The following FRMD4B variants were observed in gnomAD, a reference collection of about 807,000 sequenced individuals.
The protein encoded by FRMD4B is FERM domain-containing protein 4B.
In FRMD4B, 74 loss-of-function variants were observed where a neutral mutation model predicts 141.5. The ratio of observed to expected loss-of-function variants is 0.52; its 90% CI spans 0.43 to 0.63. The LOEUF is 0.63. Ranked by LOEUF, FRMD4B falls within the 30% of genes least tolerant of loss-of-function variation. The probability of loss-of-function intolerance (pLI) is 0.00; values close to 1 mark genes in which losing one functional copy is unlikely to be tolerated. For missense variants in FRMD4B, 1,366 were observed against 1,253.4 expected (o/e 1.09, Z -1.36); for synonymous variants, 506 against 467.9 (o/e 1.08, Z -1.05).
Position 69,224,656 on chromosome 3 carries a change from G to T in FRMD4B, c.616C>A (p.Pro206Thr). The T allele has an allele frequency of 6.3e-7, 1 of 1,582,626 alleles. No individual in the cohort carries two copies. The highest frequency in any genetic ancestry group is 8.6e-7 in the Non-Finnish European group (1 of 1,157,974). ...ENARKDLKTL[P>T]AFPTKTLQEH... ...TGAAGAGTTTTGGTTGGAAAGGCTG[G>T]TAATGTCTTTAAATCTTTCCTGGCA... is the stretch of plus-strand genomic sequence containing the variant. The change falls in exon 8 of 23, where the codon CCA becomes ACA. Residue 206 changes from proline to threonine, a missense_variant. Pro to Thr is a conservative substitution (Grantham distance 38). Coordinates refer to ENST00000398540, the MANE Select transcript of FRMD4B (RefSeq NM_015123.3).
At chr3:69,342,047 T>C (rs983749690) in intron 1 of FRMD4B, among the ~76,000 whole-genome samples, 5 of 152,236 alleles carry the variant, frequency 3.3e-5, no homozygotes, top group African/African-American at 9.6e-5. Flanking sequence ...TCTTAAGCTG[T>C]GACCTCTCAC....
In FRMD4B at chr3:69,498,492, T is replaced by C. The variant is rs76832727; in HGVS notation, c.-129+43714A>G. 2.2e-4 allele frequency among the ~76,000 whole-genome samples: 33 copies of C among 152,220 alleles called. No individual in the cohort carries two copies. The East Asian group carries it at 6.2e-3, about 28-fold the overall frequency. ...ATCTCAAAGGATAAGAATATGAGAA[T>C]AGTTGTGCAAATATAGCATGCTCTT... On this transcript the variant is annotated intron_variant, in intron 1 of 5. Coordinates refer to the FRMD4B transcript ENST00000459638.
intron 5 of FRMD4B, among the ~76,000 whole-genome samples, chr3:69,260,253 G>C (rs932490001): frequency 3.3e-5 from 5 of 152,180 alleles, no homozygotes; most frequent in Admixed American, 6.5e-5. Context: ...CTCTGCTTGC[G>C]GGGAGGTGTG....
At chr3:69,423,441 T>C (rs1168271799) in intron 2 of FRMD4B, among the ~76,000 whole-genome samples, 1 of 152,206 alleles carries the variant, frequency 6.6e-6, no homozygotes, top group Admixed American at 6.5e-5. Flanking sequence ...TTTCAGTTCA[T>C]GTTAGGTACA....
At chr3:69,343,482 T>A (rs1169249170) in intron 1 of FRMD4B, among the ~76,000 whole-genome samples, 2 of 152,254 alleles carry the variant, frequency 1.3e-5, no homozygotes, top group South Asian at 4.1e-4. Context: ...ATTCAATTCC[T>A]ACCTGGATAT....
intron 1 of FRMD4B, among the ~76,000 whole-genome samples, chr3:69,379,292 T>A (rs912596604): frequency 5.3e-5 from 8 of 152,258 alleles, no homozygotes; most frequent in Admixed American, 1.3e-4. Flanking sequence ...ATATATATAT[T>A]TTTTGAGACA....
At chr3:69,227,136 A>G (rs1291232100) in intron 7 of FRMD4B, among the ~76,000 whole-genome samples, 1 of 152,226 alleles carries the variant, frequency 6.6e-6, no homozygotes, top group Non-Finnish European at 1.5e-5. Flanking sequence ...AATTTGAACT[A>G]TACACAATCA....
rs537414937 is a variant in FRMD4B at position 69,528,260 on chromosome 3, T to TCCTTCCTTCCTA, written c.-129+13934_-129+13945dup. Among the ~76,000 whole-genome samples, 427 of 146,366 alleles carry TCCTTCCTTCCTA rather than the reference T, an allele frequency of 2.9e-3. 2 individuals are homozygous for TCCTTCCTTCCTA. The highest frequency in any genetic ancestry group is 9.8e-3 in the African/African-American group (395 of 40,186). On this transcript the variant is annotated intron_variant, in intron 1 of 5. Coordinates refer to the FRMD4B transcript ENST00000459638. ...TCCCTCCCTGCCTCCCTCCCTCCCT[T>TCCTTCCTTCCTA]CCTTCCTTCCTACCTTCCTTCCTTC...
chr3:69,211,694 G>C (rs1184855463), intron 11 of FRMD4B, among the ~76,000 whole-genome samples: 1 of 152,184 alleles, frequency 6.6e-6, no homozygotes, highest in East Asian at 1.9e-4. Context: ...GGCTCAAGAG[G>C]CTGAGCACCT....
chr3:69,329,439 T>A (rs1383784050), intron 1 of FRMD4B, among the ~76,000 whole-genome samples: 2 of 148,888 alleles, frequency 1.3e-5, no homozygotes, highest in East Asian at 4.0e-4. Context: ...AACTTCTCCC[T>A]CCCGGGTTCA....
intron 2 of FRMD4B, among the ~76,000 whole-genome samples, chr3:69,418,253 G>A (rs894885463): frequency 6.6e-6 from 1 of 152,116 alleles, no homozygotes; most frequent in African/African-American, 2.4e-5. Context: ...TATACACGGT[G>A]TACATAGAAC....
rs1343675742 is a variant in FRMD4B, at chr3:69,168,915, C to T, written c.*2946G>A. ...GTAGGGTGAGGCAATTTTAAAAATCCACCTTGTTAAACATATATCTTTATG... is the reference window on the plus strand; with the variant it reads ...GTAGGGTGAGGCAATTTTAAAAATCTACCTTGTTAAACATATATCTTTATG... On this transcript the variant is annotated 3_prime_UTR_variant, in exon 23 of 23. Coordinates refer to ENST00000398540, the MANE Select transcript of FRMD4B (RefSeq NM_015123.3). 6.6e-6 allele frequency among the ~76,000 whole-genome samples: 1 copy of T among 151,752 alleles called. No individual in the cohort carries two copies.
rs144195815 is a variant in FRMD4B at position 69,264,571 on chromosome 3, C to T, written c.502-14472G>A. On this transcript the variant is annotated intron_variant, in intron 5 of 22. Transcript: ENST00000398540. Reference sequence around the variant, plus strand: ...CTTCACCATCTATAAGAACTGTAAGCATACCTAGACAGCAATTCTAGATAA... The same window carrying T: ...CTTCACCATCTATAAGAACTGTAAGTATACCTAGACAGCAATTCTAGATAA... Among the ~76,000 whole-genome samples the T allele has an allele frequency of 3.9e-5, 6 of 152,262 alleles. No individual in the cohort carries two copies. The East Asian group carries it at 1.2e-3, about 29-fold the overall frequency.
intron 5 of FRMD4B, among the ~76,000 whole-genome samples, chr3:69,250,938 A>C (rs1026210981): frequency 4.6e-5 from 7 of 152,122 alleles, no homozygotes; most frequent in African/African-American, 1.7e-4. Flanking sequence ...AAAAGAAAAA[A>C]GCTTTTTCAG....
intron 7 of FRMD4B, among the ~76,000 whole-genome samples, chr3:69,229,118 A>G (rs1171863977): frequency 6.9e-6 from 1 of 145,932 alleles, no homozygotes; most frequent in African/African-American, 2.5e-5. Context: ...CTCAACCTCC[A>G]GGGCTCAAGT....
chr3:69,451,793 T>C (rs1705504029), intron 1 of FRMD4B, among the ~76,000 whole-genome samples: 1 of 152,148 alleles, frequency 6.6e-6, no homozygotes, highest in African/African-American at 2.4e-5. Context: ...AAAACACCAG[T>C]CCCAGCTCTG....
intron 2 of FRMD4B, among the ~76,000 whole-genome samples, chr3:69,392,285 AG>A (rs1344641562): frequency 1.3e-5 from 2 of 152,168 alleles, no homozygotes; most frequent in African/African-American, 4.8e-5. Context: ...GCACTGCCAC[AG>A]GGGTTCCAAT....
chr3:69,181,858 T>C (rs546241707), intron 20 of FRMD4B, 148 bp from the exon 21 acceptor site: 79 of 602,720 alleles, frequency 1.3e-4, no homozygotes, highest in African/African-American at 9.1e-4. Flanking sequence ...ATAGAATCCA[T>C]TGTTCTCCAA....
chr3:69,210,466 G>A (rs1029337713), intron 11 of FRMD4B, among the ~76,000 whole-genome samples: 9 of 150,632 alleles, frequency 6.0e-5, no homozygotes, highest in African/African-American at 2.0e-4. Flanking sequence ...AAGTCCAAAT[G>A]TCTTACCATT....
Sources: gnomAD v4.1 joint callset for allele counts (sites outside exome capture counted in the v4.1 genomes callset) on GRCh38, gnomAD v4.1.1 for gene constraint, MANE v1.5 for transcripts, NCBI Gene and HGNC (gene_info 2026-07-23, HGNC 2026-07-21) for gene names.